Variants in KIAA1217 observed in about 807,000 individuals in gnomAD.
KIAA1217 encodes the protein KIAA1217, also known as sickle tail protein homolog.
In KIAA1217, 88 loss-of-function variants were observed where a neutral mutation model predicts 163.9. The ratio of observed to expected loss-of-function variants is 0.54; its 90% CI spans 0.45 to 0.64. The LOEUF is 0.64. KIAA1217 is among the 30% of genes least tolerant of loss of function. KIAA1217 has a pLI of 0.00. For missense variants in KIAA1217, 2,372 were observed against 2,475.0 expected, an observed-to-expected ratio of 0.96 and a Z score of 0.88; for synonymous variants, 903 against 923.1, an observed-to-expected ratio of 0.98 and a Z score of 0.39.
At chr10:23,742,001 C>T (rs1022264568) in intron 1 of KIAA1217, among the ~76,000 whole-genome samples, 3 of 152,032 alleles carry the variant, frequency 2.0e-5, no homozygotes, top group African/African-American at 7.2e-5. Flanking sequence ...AACCATCACT[C>T]AATGCTCTAG....
chr10:24,050,334 C>A (rs1407065963), intron 2 of KIAA1217, among the ~76,000 whole-genome samples: 1 of 152,150 alleles, frequency 6.6e-6, no homozygotes, highest in Non-Finnish European at 1.5e-5. Context: ...TCAATTTTGG[C>A]TTTTGTTGCC....
intron 3 of KIAA1217, among the ~76,000 whole-genome samples, chr10:24,400,962 T>TACACACACACACACACAC (rs375697958): frequency 0.029 from 3,391 of 117,026 alleles, 281 homozygotes; most frequent in African/African-American, 0.1. Context: ...GCAAGAAACA[T>TACACACACACACACACAC]ACACACACAC....
At chr10:24,153,305 C>A (rs368561760) in intron 2 of KIAA1217, among the ~76,000 whole-genome samples, 5 of 152,192 alleles carry the variant, frequency 3.3e-5, no homozygotes, top group African/African-American at 1.2e-4. Flanking sequence ...AGGGTAAGAA[C>A]ACCACTTGTG....
intron 2 of KIAA1217, among the ~76,000 whole-genome samples, chr10:24,141,228 C>CA (rs1229829914): frequency 1.5e-4 from 17 of 116,184 alleles, no homozygotes; most frequent in Admixed American, 1.0e-3. Flanking sequence ...AGAATAAACC[C>CA]CCCCCCCCCA....
chr10:24,247,479 G>A (rs2073955228), intron 2 of KIAA1217, among the ~76,000 whole-genome samples: 1 of 152,092 alleles, frequency 6.6e-6, no homozygotes, highest in Admixed American at 6.6e-5. Context: ...AAAGCCATGT[G>A]CATTTTCTGT....
intron 2 of KIAA1217, among the ~76,000 whole-genome samples, chr10:24,179,493 G>A (rs1204650889): frequency 2.0e-5 from 3 of 152,088 alleles, no homozygotes; most frequent in Non-Finnish European, 4.4e-5. Flanking sequence ...GTTTCCTGAG[G>A]CCTCCCCAGC....
intron 1 of KIAA1217, among the ~76,000 whole-genome samples, chr10:23,890,587 A>G (rs1841375798): frequency 6.6e-6 from 1 of 151,962 alleles, no homozygotes; most frequent in South Asian, 2.1e-4. Context: ...TTTCTAATTT[A>G]ACTTTACTAT....
At chr10:23,931,230 T>C (rs959033589) in intron 1 of KIAA1217, among the ~76,000 whole-genome samples, 2 of 152,144 alleles carry the variant, frequency 1.3e-5, no homozygotes, top group African/African-American at 4.8e-5. Context: ...TTCTGAGTGA[T>C]AGGTATCAGC....
intron 1 of KIAA1217, among the ~76,000 whole-genome samples, chr10:23,934,625 A>ATATATTTTTTTTTTT (rs1554826424): frequency 1.5e-5 from 1 of 68,570 alleles, no homozygotes; most frequent in Non-Finnish European, 2.6e-5. Context: ...ATATATATAT[A>ATATATTTTTTTTTTT]TTTTTTTTTT....
chr10:24,436,662 G>A (rs1008778980), intron 4 of KIAA1217, among the ~76,000 whole-genome samples: 1 of 147,198 alleles, frequency 6.8e-6, no homozygotes, highest in African/African-American at 2.5e-5. Flanking sequence ...GGAGGCTAAG[G>A]CAGGAGAATG....
chr10:23,823,701 A>G (rs1208568930), intron 1 of KIAA1217, among the ~76,000 whole-genome samples: 1 of 152,180 alleles, frequency 6.6e-6, no homozygotes, highest in Non-Finnish European at 1.5e-5. Flanking sequence ...CCCTACTTTT[A>G]AGTTAGAAAA....
At chr10:24,386,112 C>A (rs2130651907) in intron 3 of KIAA1217, among the ~76,000 whole-genome samples, 1 of 152,268 alleles carries the variant, frequency 6.6e-6, no homozygotes, top group South Asian at 2.1e-4. Flanking sequence ...CTTTGTTGAC[C>A]ATATTCTGAA....
intron 5 of KIAA1217, among the ~76,000 whole-genome samples, chr10:24,458,840 T>A (rs930866755): frequency 2.0e-5 from 3 of 152,184 alleles, no homozygotes; most frequent in Admixed American, 2.0e-4. Context: ...ATGATTGCTG[T>A]CCAAAGGATT....
At chr10:24,168,595 G>A (rs1564782419) in intron 2 of KIAA1217, among the ~76,000 whole-genome samples, 3 of 152,262 alleles carry the variant, frequency 2.0e-5, no homozygotes, top group African/African-American at 7.2e-5. Flanking sequence ...TTAAAAATTG[G>A]GTCCTTTTCT....
intron 2 of KIAA1217, among the ~76,000 whole-genome samples, chr10:24,253,924 A>G (rs2074844879): frequency 6.6e-6 from 1 of 151,970 alleles, no homozygotes; most frequent in Non-Finnish European, 1.5e-5. Context: ...CAAAAAGAAT[A>G]TAAAAATAAT....
chr10:23,771,296 C>T (rs1239862760), intron 1 of KIAA1217, among the ~76,000 whole-genome samples: 1 of 152,108 alleles, frequency 6.6e-6, no homozygotes, highest in African/African-American at 2.4e-5. Context: ...AAACCATTTC[C>T]TCTTATGACC....
chr10:24,295,068 G>T (rs1042026633), intron 2 of KIAA1217, among the ~76,000 whole-genome samples: 1 of 152,150 alleles, frequency 6.6e-6, no homozygotes, highest in African/African-American at 2.4e-5. Context: ...ATAGTATTGG[G>T]CATTGAAGTA....
chr10:23,890,117 C>G (rs987023985), intron 1 of KIAA1217, among the ~76,000 whole-genome samples: 4 of 151,670 alleles, frequency 2.6e-5, no homozygotes, highest in Non-Finnish European at 5.9e-5. Context: ...AGATTTTTGA[C>G]TATAGGTTCA....
chr10:24,184,348 C>A (rs1369137557), intron 2 of KIAA1217, among the ~76,000 whole-genome samples: 1 of 152,148 alleles, frequency 6.6e-6, no homozygotes, highest in Non-Finnish European at 1.5e-5. Context: ...CTTTATGTGG[C>A]AGTTGTACCT....
Sources: gnomAD v4.1 joint callset for allele counts (sites outside exome capture counted in the v4.1 genomes callset) on GRCh38, gnomAD v4.1.1 for gene constraint, MANE v1.5 for transcripts, NCBI Gene and HGNC (gene_info 2026-07-23, HGNC 2026-07-21) for gene names.